Variants in DCC observed in about 807,000 individuals in gnomAD.
DCC encodes netrin receptor DCC.
Under a neutral mutation model 172.5 loss-of-function variants are expected in DCC, and 58 were observed. That is an observed-to-expected ratio of 0.34 (90% CI 0.27 to 0.42). The LOEUF is 0.42. Ranked by LOEUF, DCC falls within the 10% of genes least tolerant of loss-of-function variation. DCC has a pLI of 1.00. For synonymous variants in DCC, 709 were observed against 644.5 expected (o/e 1.10, Z -1.52); for missense variants, 1,740 against 1,791.0 (o/e 0.97, Z 0.51).
chr18:52,838,866 T>G (rs914565822), intron 2 of DCC, among the ~76,000 whole-genome samples: 4 of 152,182 alleles, frequency 2.6e-5, no homozygotes, highest in Non-Finnish European at 5.9e-5. Context: ...GAAATTGAGT[T>G]AGAATTTGAA....
At chr18:53,203,672 A>G (rs1026653005) in intron 9 of DCC, among the ~76,000 whole-genome samples, 1 of 152,186 alleles carries the variant, frequency 6.6e-6, no homozygotes, top group African/African-American at 2.4e-5. Context: ...CATGCCAGTC[A>G]GTTTTTCCTA....
Position 53,073,032 on chromosome 18 carries a change from T to C in DCC, c.1261+6866T>C, listed in dbSNP as rs118187380. 5.1e-3 allele frequency among the ~76,000 whole-genome samples: 779 copies of C among 152,318 alleles called. 6 individuals carry two copies. Among genetic ancestry groups the C allele is most frequent in the Admixed American group, 0.022 (344 of 15,294 alleles). On this transcript the variant is annotated intron_variant, in intron 7 of 28. Coordinates refer to ENST00000442544, the MANE Select transcript of DCC (RefSeq NM_005215.4). The stretch of plus-strand genomic sequence containing the variant: ...CCACATAGTAACTGCTCAATAAATG[T>C]AATCTGCACATTTGATCTTCCTTCA...
intron 1 of DCC, among the ~76,000 whole-genome samples, chr18:52,632,661 C>G (rs1357870192): frequency 1.3e-5 from 2 of 152,214 alleles, no homozygotes; most frequent in African/African-American, 2.4e-5. Flanking sequence ...CCTGCCTTCT[C>G]ATGACTTCAA....
intron 5 of DCC, among the ~76,000 whole-genome samples, chr18:53,035,589 A>G (rs1466774323): frequency 6.6e-6 from 1 of 152,152 alleles, no homozygotes; most frequent in Non-Finnish European, 1.5e-5. Flanking sequence ...TGTCTCTCAA[A>G]TATTATGAGC....
chr18:53,294,899 T>G (rs1287933167), intron 12 of DCC, among the ~76,000 whole-genome samples: 1 of 152,212 alleles, frequency 6.6e-6, no homozygotes, highest in African/African-American at 2.4e-5. Context: ...AGATAAAGAT[T>G]AGATTGTTTT....
chr18:52,351,818 A>G (rs1380716518), intron 1 of DCC, among the ~76,000 whole-genome samples: 1 of 152,204 alleles, frequency 6.6e-6, no homozygotes, highest in Non-Finnish European at 1.5e-5. Flanking sequence ...TCTTAAAAAC[A>G]TAAACGAATG....
At chr18:52,555,158 A>C (rs1014829197) in intron 1 of DCC, among the ~76,000 whole-genome samples, 1 of 152,074 alleles carries the variant, frequency 6.6e-6, no homozygotes, top group Non-Finnish European at 1.5e-5. Flanking sequence ...AACATTTCTG[A>C]GTCTGTCATA....
chr18:52,897,168 C>T (rs1230997303), intron 2 of DCC, among the ~76,000 whole-genome samples: 2 of 152,148 alleles, frequency 1.3e-5, no homozygotes, highest in Admixed American at 1.3e-4. Context: ...CATGTATAGT[C>T]AGGCTTTCAT....
At chr18:52,576,610 A>T (rs2033415898) in intron 1 of DCC, among the ~76,000 whole-genome samples, 1 of 150,956 alleles carries the variant, frequency 6.6e-6, no homozygotes, top group African/African-American at 2.4e-5. Context: ...CGTGTGGATC[A>T]CGAGGTCAGG....
Position 53,435,167 on chromosome 18 carries a change from T to G in DCC, c.3187T>G (p.Trp1063Gly). ...AGGTCGTCATGGAGATGGAGGTTAT[T>G]GGCCAGTTGATACTAATTTGATTGA... ...DQGRHGDGGY[W>G]PVDTNLIDRS... The change falls in exon 22 of 29, where the codon TGG becomes GGG. Residue 1063 changes from tryptophan to glycine, a missense_variant. Physicochemically the swap from Trp to Gly is radical, Grantham distance 184. Around this residue, in one of 2 missense-constraint regions of DCC, gnomAD observed 1,732 missense variants for 1,767.4 expected, o/e 0.98. Coordinates refer to ENST00000442544, the MANE Select transcript of DCC (RefSeq NM_005215.4). The G allele has an allele frequency of 6.2e-7, 1 of 1,611,678 alleles. No homozygotes were observed. Among genetic ancestry groups the G allele is most frequent in the Middle Eastern group, 1.7e-4 (1 of 6,052 alleles).
chr18:52,453,722 T>A (rs1388082529), intron 1 of DCC, among the ~76,000 whole-genome samples: 2 of 152,204 alleles, frequency 1.3e-5, no homozygotes, highest in African/African-American at 2.4e-5. Flanking sequence ...AAATTTCACA[T>A]ACGAGATTTT....
At chr18:52,386,956 A>G (rs543102091) in intron 1 of DCC, among the ~76,000 whole-genome samples, 27 of 152,194 alleles carry the variant, frequency 1.8e-4, no homozygotes, top group African/African-American at 5.5e-4. Context: ...AGTTGTAGCT[A>G]CTTAAAAGCC....
chr18:53,177,205 A>G (rs147465777), intron 8 of DCC, among the ~76,000 whole-genome samples: 48,249 of 149,868 alleles, frequency 0.32, 9,135 homozygotes, highest in East Asian at 0.58. Flanking sequence ...GGGGAGGGAT[A>G]GCACTGGGAG....
At chr18:53,453,148 T>C (rs1214828421) in intron 23 of DCC, among the ~76,000 whole-genome samples, 1 of 152,036 alleles carries the variant, frequency 6.6e-6, no homozygotes, top group Non-Finnish European at 1.5e-5. Context: ...ATCTCCTGAC[T>C]TCATGATCTG....
chr18:52,582,332 T>G (rs1311102500), intron 1 of DCC, among the ~76,000 whole-genome samples: 1 of 152,192 alleles, frequency 6.6e-6, no homozygotes, highest in African/African-American at 2.4e-5. Flanking sequence ...GGAAGATGGC[T>G]TTCAGTTTGG....
At chr18:53,210,514 C>T (rs1391057046) in intron 11 of DCC, among the ~76,000 whole-genome samples, 1 of 152,162 alleles carries the variant, frequency 6.6e-6, no homozygotes, top group African/African-American at 2.4e-5. Context: ...ATATTCACCT[C>T]TGTTTTCTTC....
chr18:52,497,614 A>C (rs973365391), intron 1 of DCC, among the ~76,000 whole-genome samples: 1 of 151,994 alleles, frequency 6.6e-6, no homozygotes, highest in Non-Finnish European at 1.5e-5. Flanking sequence ...AAATTTTAGG[A>C]TGAATCCCAA....
chr18:53,210,354 T>A (rs2055729984), intron 11 of DCC, among the ~76,000 whole-genome samples: 1 of 152,210 alleles, frequency 6.6e-6, no homozygotes, highest in African/African-American at 2.4e-5. Context: ...AACAGGTGGA[T>A]GTTGTGAAAA....
intron 1 of DCC, among the ~76,000 whole-genome samples, chr18:52,394,032 T>G (rs563079537): frequency 6.6e-6 from 1 of 152,208 alleles, no homozygotes; most frequent in Non-Finnish European, 1.5e-5. Context: ...AAATTCACGA[T>G]AGGCTGGTAA....
Sources: allele counts gnomAD v4.1 joint callset (sites outside exome capture counted in the v4.1 genomes callset), GRCh38; gene constraint gnomAD v4.1.1; regional missense constraint gnomAD v4.1.1; transcripts MANE v1.5; gene names NCBI Gene and HGNC (gene_info 2026-07-23, HGNC 2026-07-21).